DNMBP: variants seen among roughly 807,000 people sequenced by gnomAD.
The protein encoded by DNMBP is dynamin binding protein, also known as dynamin-binding protein.
In DNMBP, 87 loss-of-function variants were observed where a neutral mutation model predicts 150.0. The observed-to-expected ratio is 0.58, with a 90% CI of 0.49 to 0.69. The LOEUF (loss-of-function observed/expected upper bound fraction) is 0.69. Ranked by LOEUF, DNMBP falls within the 30% of genes least tolerant of loss-of-function variation. The probability of loss-of-function intolerance (pLI) is 0.00; values close to 1 mark genes in which losing one functional copy is unlikely to be tolerated. For missense variants in DNMBP, 1,774 were observed against 1,949.0 expected (o/e 0.91, Z 1.69); for synonymous variants, 711 against 750.4 (o/e 0.95, Z 0.86).
rs948928942 is a variant in DNMBP, at chr10:99,949,030, A to G, written c.2260+6184T>C. Among the ~76,000 whole-genome samples, 16 of 152,102 alleles carry G rather than the reference A, an allele frequency of 1.1e-4. No homozygotes were observed. The East Asian group carries it at 2.3e-3, about 22-fold the overall frequency. On this transcript the variant is annotated intron_variant, in intron 4 of 16. Coordinates refer to ENST00000324109, the MANE Select transcript of DNMBP (RefSeq NM_015221.4). Reference sequence around the variant, plus strand: ...TAAATAAATGCAGAGTTTTAAGAAGAGGCAGTAGCTACACTAAAAACCTCA... The same window carrying G: ...TAAATAAATGCAGAGTTTTAAGAAGGGGCAGTAGCTACACTAAAAACCTCA...
rs774498401 is a variant in DNMBP at position 99,955,824 on chromosome 10, C to T, written c.1650G>A (p.Ser550=). The T allele has an allele frequency of 8.7e-6, 14 of 1,614,226 alleles. No individual in the cohort carries two copies. Among genetic ancestry groups the T allele is most frequent in the African/African-American group, 4.0e-5 (3 of 75,052 alleles). Residue 550 remains serine (S), a synonymous_variant, in exon 4 of 17, where the codon TCG becomes TCA. Coordinates refer to ENST00000324109, the MANE Select transcript of DNMBP (RefSeq NM_015221.4). ...ACTCGATCAGCTGTTGTGTCAGCTT[C>T]GAGTCCAGGTCAGTGCTGCCGTCTC... ...SQGDGSTDLD[S]KLTQQLIEFE...
At chr10:99,910,535 CCT>C (rs1277025342) in intron 4 of DNMBP, among the ~76,000 whole-genome samples, 2 of 152,054 alleles carry the variant, frequency 1.3e-5, no homozygotes, top group Non-Finnish European at 2.9e-5. Flanking sequence ...AGAGAAAGAC[CCT>C]GTCTCAAAAA....
rs538151757 is a variant in DNMBP at position 99,916,265 on chromosome 10, C to T, written c.2261-7119G>A. ...ATCACCTGAGGTGAGGAGTTTGAGA[C>T]CAGCCTGGCCAACATGGTGAAACTC... is the stretch of plus-strand genomic sequence containing the variant. On this transcript the variant is annotated intron_variant, in intron 4 of 16. Transcript: ENST00000324109. Among the ~76,000 whole-genome samples, 3 of 152,300 alleles carry T rather than the reference C, an allele frequency of 2.0e-5. No individual in the cohort carries two copies. In the South Asian group the frequency reaches 6.2e-4, roughly 32 times the overall value.
At chr10:99,892,877 G>A (rs2251498) in intron 11 of DNMBP, among the ~76,000 whole-genome samples, 15,113 of 152,154 alleles carry the variant, frequency 0.099, 1,362 homozygotes, top group African/African-American at 0.24. Flanking sequence ...ACTCTTAAGC[G>A]GAGAAAACAC....
intron 15 of DNMBP, among the ~76,000 whole-genome samples, chr10:99,881,972 G>GT (rs1342087243): frequency 7.9e-5 from 12 of 152,130 alleles, no homozygotes; most frequent in African/African-American, 2.7e-4. Flanking sequence ...AGGTAGTCAA[G>GT]TACCCATACT....
intron 4 of DNMBP, among the ~76,000 whole-genome samples, chr10:99,936,847 G>T: frequency 6.6e-6 from 1 of 152,070 alleles, no homozygotes; most frequent in Non-Finnish European, 1.5e-5. Context: ...TGGGACTACA[G>T]GCATTTGTCA....
chr10:99,952,446 G>A (rs2040435185), intron 4 of DNMBP, among the ~76,000 whole-genome samples: 1 of 152,150 alleles, frequency 6.6e-6, no homozygotes, highest in African/African-American at 2.4e-5. Context: ...GCATTCCCCT[G>A]AGAGCTCAAG....
At chr10:99,943,827 G>C (rs1416139767) in intron 4 of DNMBP, among the ~76,000 whole-genome samples, 5 of 152,196 alleles carry the variant, frequency 3.3e-5, no homozygotes, top group African/African-American at 1.2e-4. Flanking sequence ...TATCACTTTA[G>C]TATAAAGACG....
chr10:99,932,495 T>C (rs558004890), intron 4 of DNMBP, among the ~76,000 whole-genome samples: 2 of 152,206 alleles, frequency 1.3e-5, no homozygotes, highest in South Asian at 2.1e-4. Context: ...AGTTCTGACA[T>C]GGCTCGTATG....
chr10:99,899,041 A>G (rs2039700999), intron 7 of DNMBP, among the ~76,000 whole-genome samples: 1 of 151,648 alleles, frequency 6.6e-6, no homozygotes, highest in Admixed American at 6.6e-5. Flanking sequence ...AAAAACATAA[A>G]AATTAGCTAG....
chr10:99,956,529 G>A lies in DNMBP; in HGVS notation c.945C>T (p.Gly315=), dbSNP rs770928344. 13 of 1,614,030 alleles carry A rather than the reference G, an allele frequency of 8.1e-6. No homozygotes were observed. The Admixed American group carries it at 2.0e-4, about 25-fold the overall frequency. ...VEETMALPQE[G]SLARIPETSL... ...AAGTTTCCGGGATCCTGGCAAGGCT[G>A]CCTTCCTGGGGCAGAGCCATGGTTT... is the stretch of plus-strand genomic sequence containing the variant. Residue 315 remains glycine (G), a synonymous_variant, in exon 4 of 17, where the codon GGC becomes GGT. Coordinates refer to ENST00000324109, the MANE Select transcript of DNMBP (RefSeq NM_015221.4).
At chr10:99,900,612 C>T (rs2039725175) in intron 6 of DNMBP, among the ~76,000 whole-genome samples, 1 of 151,162 alleles carries the variant, frequency 6.6e-6, no homozygotes, top group Middle Eastern at 3.3e-3. Context: ...TAATGAGAAC[C>T]CCATAAGGAG....
intron 1 of DNMBP, among the ~76,000 whole-genome samples, chr10:99,979,358 C>T (rs1487907661): frequency 6.6e-6 from 1 of 152,218 alleles, no homozygotes; most frequent in African/African-American, 2.4e-5. Context: ...CAGTCTTACC[C>T]ATTCAATGTG....
chr10:99,920,556 G>A (rs2040012452), intron 4 of DNMBP, among the ~76,000 whole-genome samples: 1 of 152,060 alleles, frequency 6.6e-6, no homozygotes, highest in Admixed American at 6.6e-5. Flanking sequence ...AATTCAGAAG[G>A]CCTCACCCTG....
intron 1 of DNMBP, among the ~76,000 whole-genome samples, chr10:100,001,220 G>A (rs1438554217): frequency 1.0e-5 from 1 of 95,640 alleles, no homozygotes; most frequent in East Asian, 3.4e-4. Flanking sequence ...GACAGAGCAA[G>A]ACTCCGTCTC....
intron 4 of DNMBP, chr10:99,913,805 G>T: frequency 1.3e-6 from 1 of 779,660 alleles, no homozygotes; most frequent in Non-Finnish European, 1.8e-6. Context: ...GCAGAGCCAT[G>T]CGCCCTTCCC....
chr10:99,892,170 T>TG lies in DNMBP; in HGVS notation c.3156+2775dup, dbSNP rs1369688547. 1.2e-3 allele frequency among the ~76,000 whole-genome samples: 156 copies of TG among 125,872 alleles called. 1 individual carries two copies. Among genetic ancestry groups the TG allele is most frequent in the African/African-American group, 4.3e-3 (127 of 29,378 alleles). The allele number at this position is 125,872 out of a possible 152,430, so 82.6% of individuals were successfully genotyped here. Reference sequence around the variant, plus strand: ...CCAGCCGCCCCGTCCAGGAGGGAGGTGGGGGGGTCAGCCCCCTGCCCGGCC... The same window carrying TG: ...CCAGCCGCCCCGTCCAGGAGGGAGGTGGGGGGGGTCAGCCCCCTGCCCGGCC... On this transcript the variant is annotated intron_variant, in intron 11 of 16. Coordinates refer to ENST00000324109, the MANE Select transcript of DNMBP (RefSeq NM_015221.4).
At chr10:99,931,718 G>A (rs745481893) in intron 4 of DNMBP, among the ~76,000 whole-genome samples, 2 of 152,200 alleles carry the variant, frequency 1.3e-5, no homozygotes, top group Admixed American at 6.5e-5. Context: ...CTATCATAGA[G>A]GAGGCATTGT....
At chr10:99,944,897 T>C (rs1400835893) in intron 4 of DNMBP, among the ~76,000 whole-genome samples, 1 of 151,722 alleles carries the variant, frequency 6.6e-6, no homozygotes, top group African/African-American at 2.4e-5. Flanking sequence ...CAGTCTCTCA[T>C]AGAAAAAAAA....
Sources: gnomAD v4.1 joint callset for allele counts (sites outside exome capture counted in the v4.1 genomes callset) on GRCh38, gnomAD v4.1.1 for gene constraint, MANE v1.5 for transcripts, NCBI Gene and HGNC (gene_info 2026-07-23, HGNC 2026-07-21) for gene names.